GRB10: variants seen among roughly 807,000 people sequenced by gnomAD.
GRB10 encodes the protein growth factor receptor-bound protein 10.
A neutral mutation model predicts 80.9 loss-of-function variants in GRB10; 20 were observed. The ratio of observed to expected loss-of-function variants is 0.25; its 90% CI spans 0.17 to 0.36. The LOEUF (loss-of-function observed/expected upper bound fraction) is 0.36. Ranked by LOEUF, GRB10 falls within the 10% of genes least tolerant of loss-of-function variation. GRB10 has a pLI of 1.00. For missense variants in GRB10, 548 were observed against 747.7 expected, an observed-to-expected ratio of 0.73 and a Z score of 3.12; for synonymous variants, 291 against 291.5, an observed-to-expected ratio of 1.00 and a Z score of 0.02.
chr7:50,785,428 C>T (rs896234820), upstream of GRB10, among the ~76,000 whole-genome samples: 3 of 152,256 alleles, frequency 2.0e-5, no homozygotes, highest in African/African-American at 4.8e-5. Flanking sequence ...TGCAGCACAG[C>T]CTCCTCCTAC....
chr7:50,724,782 G>A (rs978223928), intron 4 of GRB10, among the ~76,000 whole-genome samples: 1 of 152,180 alleles, frequency 6.6e-6, no homozygotes, highest in African/African-American at 2.4e-5. Context: ...TTTGCTCTGC[G>A]TTACTGACAA....
chr7:50,616,862 C>T (rs2050744421), intron 10 of GRB10, among the ~76,000 whole-genome samples: 1 of 152,162 alleles, frequency 6.6e-6, no homozygotes, highest in Non-Finnish European at 1.5e-5. Context: ...TTTATCAAAA[C>T]AAAACAAAAC....
At chr7:50,739,860 C>T (rs973154335) in intron 3 of GRB10, among the ~76,000 whole-genome samples, 3 of 152,168 alleles carry the variant, frequency 2.0e-5, no homozygotes, top group African/African-American at 7.2e-5. Context: ...CTTCACCCCT[C>T]AGTCCTCATT....
intron 1 of GRB10, among the ~76,000 whole-genome samples, chr7:50,791,872 T>C (rs553525091): frequency 1.3e-3 from 191 of 150,840 alleles, no homozygotes; most frequent in Non-Finnish European, 2.2e-3. Context: ...TGCTTTTACT[T>C]AAAATACTCT....
At position 50,683,745 on chromosome 7, in the gene GRB10, T is replaced by C. The variant is rs967246536; in HGVS notation, c.140-9087A>G. Among the ~76,000 whole-genome samples the C allele has an allele frequency of 4.0e-5, 6 of 151,678 alleles. 1 individual carries two copies. The highest frequency in any genetic ancestry group is 2.6e-4 in the Admixed American group (4 of 15,234). ...GAGCGAGACTCCATCTCAAAAAAAA[T>C]AAATAAAAAACAAAAAATAAAAAAT... On this transcript the variant is annotated intron_variant, in intron 5 of 18. Coordinates refer to ENST00000401949, the MANE Select transcript of GRB10 (RefSeq NM_001350814.2).
chr7:50,596,588 G>A lies in GRB10; in HGVS notation c.1545-1058C>T, dbSNP rs114969401. ...GGGTATAGATTAGACAATGAACTGC[G>A]TCGTCAATGTTAACTTCCTGGTTTT... On this transcript the variant is annotated intron_variant, in intron 17 of 18. Transcript: ENST00000401949. 1.7e-3 allele frequency among the ~76,000 whole-genome samples: 262 copies of A among 152,326 alleles called. 3 individuals carry two copies. Among genetic ancestry groups the A allele is most frequent in the African/African-American group, 5.9e-3 (246 of 41,572 alleles).
chr7:50,783,471 C>CACAT (rs10647494), upstream of GRB10, among the ~76,000 whole-genome samples: 132,881 of 149,214 alleles, frequency 0.89, 59,178 homozygotes, highest in East Asian at 0.96. Flanking sequence ...CCCACCCACT[C>CACAT]ACATACATAC....
intron 5 of GRB10, among the ~76,000 whole-genome samples, chr7:50,689,881 G>C (rs1002921542): frequency 6.6e-6 from 1 of 151,636 alleles, no homozygotes; most frequent in Non-Finnish European, 1.5e-5. Context: ...TTCCTTTGGG[G>C]ATAGAGTTTA....
intron 8 of GRB10, among the ~76,000 whole-genome samples, chr7:50,621,455 G>A (rs1023518570): frequency 2.6e-5 from 4 of 152,152 alleles, no homozygotes; most frequent in African/African-American, 7.2e-5. Context: ...CTCCCTTTTC[G>A]TCACTCACAG....
intron 3 of GRB10, among the ~76,000 whole-genome samples, chr7:50,744,912 GT>G (rs888375001): frequency 6.6e-6 from 1 of 152,100 alleles, no homozygotes. Context: ...ACCTTCATGG[GT>G]TTTTTTACAT....
chr7:50,653,922 T>C (rs1315015625), intron 7 of GRB10, among the ~76,000 whole-genome samples: 1 of 152,168 alleles, frequency 6.6e-6, no homozygotes, highest in Non-Finnish European at 1.5e-5. Context: ...CTAATATAAA[T>C]CCAGCTAGAA....
chr7:50,756,115 A>G (rs866576656), intron 2 of GRB10, 59 bp from the exon 3 acceptor site: 1 of 398,564 alleles, frequency 2.5e-6, no homozygotes, highest in Non-Finnish European at 4.4e-6. Context: ...ATGAACTTAT[A>G]CTCTGAGCCC....
intron 4 of GRB10, among the ~76,000 whole-genome samples, chr7:50,724,058 G>A (rs992001891): frequency 3.9e-5 from 6 of 152,202 alleles, no homozygotes; most frequent in Admixed American, 1.3e-4. Context: ...CCCATGATCC[G>A]CCACTGGCTG....
At chr7:50,643,968 G>C (rs1292031798) in intron 7 of GRB10, among the ~76,000 whole-genome samples, 1 of 152,090 alleles carries the variant, frequency 6.6e-6, no homozygotes, top group Non-Finnish European at 1.5e-5. Context: ...TGAAAATAAT[G>C]ACCTGCGGCT....
Position 50,600,330 on chromosome 7 carries a change from G to A in GRB10, c.1544+3668C>T, listed in dbSNP as rs148387298. Among the ~76,000 whole-genome samples the A allele has an allele frequency of 1.2e-4, 19 of 152,334 alleles. No individual in the cohort carries two copies. In the East Asian group the frequency reaches 2.7e-3, roughly 22 times the overall value. ...ACATACTGTTTTACAGTTAGAGGAG[G>A]AGTTGCTTCTAATGCTTTGAGAGAC... On this transcript the variant is annotated intron_variant, in intron 17 of 18. Coordinates refer to ENST00000401949, the MANE Select transcript of GRB10 (RefSeq NM_001350814.2).
At chr7:50,623,094 C>T (rs1290868656) in intron 8 of GRB10, among the ~76,000 whole-genome samples, 3 of 152,220 alleles carry the variant, frequency 2.0e-5, no homozygotes, top group Non-Finnish European at 4.4e-5. Context: ...ATGCTCGGGG[C>T]AGAAGGGATG....
At chr7:50,755,590 A>G (rs1354173678) in intron 3 of GRB10, among the ~76,000 whole-genome samples, 4 of 152,144 alleles carry the variant, frequency 2.6e-5, no homozygotes, top group Non-Finnish European at 5.9e-5. Context: ...CAAGGAGACC[A>G]GTGAGGCCCA....
At chr7:50,689,437 T>C (rs2153656707) in intron 5 of GRB10, among the ~76,000 whole-genome samples, 1 of 152,316 alleles carries the variant, frequency 6.6e-6, no homozygotes. Flanking sequence ...AAGACTTTCT[T>C]GGTCAGGCTG....
rs764010067 is a variant in GRB10 at position 50,614,840 on chromosome 7, C to A, written c.1025G>T (p.Ser342Ile). 4 of 1,613,950 alleles carry A rather than the reference C, an allele frequency of 2.5e-6. No individual in the cohort carries two copies. In the African/African-American group the frequency reaches 4.0e-5, roughly 16 times the overall value. The stretch of plus-strand genomic sequence containing the variant: ...GCCAGCGATCAGGGAGAAGATGTTG[C>A]TGTCCTCCAGGTCGGCCAGCAGCTG... The part of the protein sequence containing the change: ...HLQLLADLED[S>I]NIFSLIAGRK... Residue 342 changes from serine (S) to isoleucine (I), a missense_variant, in exon 12 of 19, where the codon AGC (serine) becomes ATC (isoleucine). Transcript: ENST00000401949.
Sources: gnomAD v4.1 joint callset for allele counts (sites outside exome capture counted in the v4.1 genomes callset) on GRCh38, gnomAD v4.1.1 for gene constraint, MANE v1.5 for transcripts, NCBI Gene and HGNC (gene_info 2026-07-23, HGNC 2026-07-21) for gene names.